Variants in LMOD1 observed in about 807,000 individuals in gnomAD.
The protein encoded by LMOD1 is leiomodin-1.
A neutral mutation model predicts 36.5 loss-of-function variants in LMOD1; 8 were observed. The observed-to-expected ratio is 0.22, with a 90% CI of 0.13 to 0.40. The LOEUF (loss-of-function observed/expected upper bound fraction) is 0.40, where lower values mean the gene tolerates loss of function less well. Among genes scored for constraint, LMOD1 ranks in the 10% least tolerant of loss-of-function variants. LMOD1 has a pLI of 1.00. For synonymous variants in LMOD1, 284 were observed against 288.7 expected, an observed-to-expected ratio of 0.98 and a Z score of 0.17; for missense variants, 630 against 751.1, an observed-to-expected ratio of 0.84 and a Z score of 1.88.
chr1:201,933,726 T>C (rs1271381031), intron 1 of LMOD1, among the ~76,000 whole-genome samples: 1 of 151,130 alleles, frequency 6.6e-6, no homozygotes, highest in Non-Finnish European at 1.5e-5. Context: ...TTCAGTTTCT[T>C]GTTCATTTTG....
intron 1 of LMOD1, among the ~76,000 whole-genome samples, chr1:201,932,264 G>A (rs1003029612): frequency 6.6e-6 from 1 of 152,136 alleles, no homozygotes; most frequent in African/African-American, 2.4e-5. Context: ...GGTAAGGCTA[G>A]GAATGAGAAG....
intron 1 of LMOD1, among the ~76,000 whole-genome samples, chr1:201,945,454 C>A (rs1489190370): frequency 5.9e-5 from 9 of 152,126 alleles, no homozygotes; most frequent in Admixed American, 5.2e-4. Flanking sequence ...AACCAACTAA[C>A]CACAACAAAA....
At chr1:201,930,496 T>G (rs1020506917) in intron 1 of LMOD1, among the ~76,000 whole-genome samples, 5 of 152,130 alleles carry the variant, frequency 3.3e-5, no homozygotes, top group African/African-American at 9.7e-5. Context: ...AGGTGTCTGA[T>G]TAAATGGTAC....
At chr1:201,911,476 C>T (rs1035973358) in intron 1 of LMOD1, among the ~76,000 whole-genome samples, 1 of 152,102 alleles carries the variant, frequency 6.6e-6, no homozygotes, top group Non-Finnish European at 1.5e-5. Context: ...ACCAGCCTGG[C>T]CAACATGGTG....
chr1:201,913,335 G>A (rs538913193), intron 1 of LMOD1, among the ~76,000 whole-genome samples: 1 of 152,344 alleles, frequency 6.6e-6, no homozygotes, highest in South Asian at 2.1e-4. Context: ...GCTGGGCACA[G>A]TGGCTCATGC....
chr1:201,900,631 C>G lies in LMOD1; in HGVS notation c.382G>C (p.Gly128Arg). 1 of 1,613,886 alleles carries G rather than the reference C, an allele frequency of 6.2e-7. No homozygotes were observed. The highest frequency in any genetic ancestry group is 8.5e-7 in the Non-Finnish European group (1 of 1,179,904). Reference protein sequence around the residue: ...DSDLGKEPKRGGLKKSFSRDR... With the variant: ...DSDLGKEPKRRGLKKSFSRDR... ...CTAGAGAAGCTTTTCTTTAAACCAC[C>G]CCTCTTTGGCTCCTTCCCCAGATCT... Residue 128 changes from glycine to arginine, a missense_variant, in exon 2 of 3, where the codon GGT (glycine) becomes CGT (arginine). Gly to Arg is a moderately radical substitution (Grantham distance 125). Coordinates refer to ENST00000367288, the MANE Select transcript of LMOD1 (RefSeq NM_012134.3).
rs200629884 is a variant in LMOD1, at chr1:201,938,131, CT to C, written c.261+7948del. Among the ~76,000 whole-genome samples the C allele has an allele frequency of 5.5e-3, 771 of 139,312 alleles. 2 individuals carry two copies. Among genetic ancestry groups the C allele is most frequent in the African/African-American group, 0.01 (392 of 37,698 alleles). The allele number at this position is 139,312 out of a possible 152,430, so 91.4% of individuals were successfully genotyped here. A position where few individuals can be genotyped will look rare whatever the true frequency, so the allele number is the denominator to read the frequency against. ...TCCTATGACTAAGCATTGTAATTTC[CT>C]TTTTTTTTTTTTTTGAGATGGAGTT... On this transcript the variant is annotated intron_variant, in intron 1 of 2. Coordinates refer to ENST00000367288, the MANE Select transcript of LMOD1 (RefSeq NM_012134.3).
At chr1:201,915,352 C>T (rs778711536) in intron 1 of LMOD1, among the ~76,000 whole-genome samples, 3 of 152,278 alleles carry the variant, frequency 2.0e-5, no homozygotes, top group Non-Finnish European at 2.9e-5. Context: ...CTGCATTCTA[C>T]GTACTGATGT....
intron 1 of LMOD1, among the ~76,000 whole-genome samples, chr1:201,908,469 T>C (rs1171119034): frequency 6.6e-6 from 1 of 152,174 alleles, no homozygotes; most frequent in Non-Finnish European, 1.5e-5. Flanking sequence ...TTTGGGAATG[T>C]TCAAGGGCTT....
chr1:201,902,546 A>G (rs1334708061), intron 1 of LMOD1, among the ~76,000 whole-genome samples: 1 of 152,122 alleles, frequency 6.6e-6, no homozygotes, highest in Non-Finnish European at 1.5e-5. Context: ...TCCCGGGTTC[A>G]AGTGATTCTC....
At chr1:201,945,768 G>C (rs1682201430) in intron 1 of LMOD1, among the ~76,000 whole-genome samples, 1 of 152,146 alleles carries the variant, frequency 6.6e-6, no homozygotes, top group Non-Finnish European at 1.5e-5. Context: ...CAAAGGTATT[G>C]TGGGACCAGG....
In LMOD1 at chr1:201,900,661, C is replaced by A; in HGVS notation, c.352G>T (p.Asp118Tyr). 1 of 1,613,922 alleles carries A rather than the reference C, an allele frequency of 6.2e-7. No individual in the cohort carries two copies. Among genetic ancestry groups the A allele is most frequent in the Non-Finnish European group, 8.5e-7 (1 of 1,179,884 alleles). ...ASKKALGPRRDSDLGKEPKRG... is the reference protein window; with the variant it reads ...ASKKALGPRRYSDLGKEPKRG... ...TTTGGCTCCTTCCCCAGATCTGAGT[C>A]CCGTCTGGGGCCCAGGGCTTTTTTG... Residue 118 changes from aspartate to tyrosine, a missense_variant, in exon 2 of 3, where the codon GAC becomes TAC. This residue lies in a region of LMOD1 where 405 missense variants were observed against 400.6 expected (regional missense o/e 1.01). Coordinates refer to ENST00000367288, the MANE Select transcript of LMOD1 (RefSeq NM_012134.3).
intron 1 of LMOD1, among the ~76,000 whole-genome samples, chr1:201,908,429 C>G (rs1278776540): frequency 1.3e-5 from 2 of 152,188 alleles, no homozygotes; most frequent in East Asian, 3.8e-4. Context: ...TAACCTCACC[C>G]CCTTAGGTTA....
intron 1 of LMOD1, among the ~76,000 whole-genome samples, chr1:201,912,691 T>C (rs1681535045): frequency 6.6e-6 from 1 of 152,026 alleles, no homozygotes; most frequent in Non-Finnish European, 1.5e-5. Flanking sequence ...AAACCCCATC[T>C]CTACTAAAAA....
chr1:201,943,172 A>G (rs1401555821), intron 1 of LMOD1, among the ~76,000 whole-genome samples: 1 of 152,250 alleles, frequency 6.6e-6, no homozygotes, highest in Non-Finnish European at 1.5e-5. Flanking sequence ...TAATTGGATT[A>G]CAAATTCTTC....
chr1:201,928,772 G>C (rs1378132528), intron 1 of LMOD1, among the ~76,000 whole-genome samples: 1 of 152,206 alleles, frequency 6.6e-6, no homozygotes, highest in Non-Finnish European at 1.5e-5. Context: ...CTGGAGTACA[G>C]TGGCGTGATC....
chr1:201,929,932 TG>T lies in LMOD1; in HGVS notation c.261+16147del, dbSNP rs964872174. Among the ~76,000 whole-genome samples, 10 of 152,180 alleles carry T rather than the reference TG, an allele frequency of 6.6e-5. No homozygotes were observed. In the East Asian group the frequency reaches 1.2e-3, roughly 18 times the overall value. On this transcript the variant is annotated intron_variant, in intron 1 of 2. Coordinates refer to ENST00000367288, the MANE Select transcript of LMOD1 (RefSeq NM_012134.3). ...CAGAGGTGGAGCACACAACTTAGGCTGGGGGGGTCCGGAAAGCCTCTAGAGA... is the reference window on the plus strand; with the variant it reads ...CAGAGGTGGAGCACACAACTTAGGCTGGGGGGTCCGGAAAGCCTCTAGAGA...
At chr1:201,944,366 GAC>G (rs1682167752) in intron 1 of LMOD1, among the ~76,000 whole-genome samples, 1 of 152,142 alleles carries the variant, frequency 6.6e-6, no homozygotes, top group Non-Finnish European at 1.5e-5. Context: ...TGCTTTGTTT[GAC>G]TTCAGCCTCA....
rs773149516 is a variant in LMOD1, at chr1:201,900,359, C to A, written c.654G>T (p.Glu218Asp). The A allele has an allele frequency of 1.8e-5, 28 of 1,567,672 alleles. No individual in the cohort carries two copies. Among genetic ancestry groups the A allele is most frequent in the Non-Finnish European group, 2.4e-5 (28 of 1,155,276 alleles). The change falls in exon 2 of 3, where the codon GAG becomes GAT. Residue 218 changes from glutamate to aspartate, a missense_variant. By Grantham distance (45) the Glu-to-Asp change is conservative. Transcript: ENST00000367288. ...REEMKEVAKK[E>D]DDEKVKGERR... The stretch of plus-strand genomic sequence containing the variant: ...GCTCCCCTTTTACCTTCTCATCATC[C>A]TCTTTCTTGGCCACCTCCTTCATCT...
Sources: gnomAD v4.1 joint callset for allele counts (sites outside exome capture counted in the v4.1 genomes callset) on GRCh38, gnomAD v4.1.1 for gene constraint, gnomAD v4.1.1 regional missense constraint, MANE v1.5 for transcripts, NCBI Gene and HGNC (gene_info 2026-07-23, HGNC 2026-07-21) for gene names.